Variants in KAT6A observed in about 807,000 individuals in gnomAD.
KAT6A encodes the protein histone acetyltransferase KAT6A.
KAT6A carries 9 observed loss-of-function variants against 198.4 expected under a neutral mutation model. That is an observed-to-expected ratio of 0.05 (90% CI 0.03 to 0.08). The LOEUF (loss-of-function observed/expected upper bound fraction) is 0.08, where lower values mean the gene tolerates loss of function less well. Ranked by LOEUF, KAT6A falls within the 10% of genes least tolerant of loss-of-function variation. The pLI, the probability that KAT6A is intolerant of heterozygous loss-of-function variation, is 1.00. For missense variants in KAT6A, 2,077 were observed against 2,509.9 expected (o/e 0.83, Z 3.69); for synonymous variants, 890 against 883.0 (o/e 1.01, Z -0.14).
At chr8:42,009,915 C>CAAAAAAAA (rs1216387598) in intron 2 of KAT6A, among the ~76,000 whole-genome samples, 8 of 110,286 alleles carry the variant, frequency 7.3e-5, no homozygotes, top group African/African-American at 2.6e-4. Flanking sequence ...AAAAAAAAAA[C>CAAAAAAAA]AAAAAAAAAC....
intron 12 of KAT6A, 37 bp from the exon 13 acceptor site, chr8:41,944,016 C>A: frequency 6.9e-7 from 1 of 1,451,358 alleles, no homozygotes; most frequent in South Asian, 1.2e-5. Context: ...AGAACTAGGT[C>A]AGCAACTCTG....
chr8:42,032,761 T>C (rs1281860661), intron 2 of KAT6A, among the ~76,000 whole-genome samples: 1 of 151,008 alleles, frequency 6.6e-6, no homozygotes, highest in Non-Finnish European at 1.5e-5. Context: ...AAAGAGCCAA[T>C]ACACAGTGAG....
chr8:42,007,298 T>C (rs1300398602), intron 2 of KAT6A, among the ~76,000 whole-genome samples: 1 of 152,218 alleles, frequency 6.6e-6, no homozygotes, highest in Admixed American at 6.5e-5. Context: ...AGTTCTTTAA[T>C]CCTAATTCTC....
intron 1 of KAT6A, among the ~76,000 whole-genome samples, chr8:42,051,178 G>C (rs534613895): frequency 1.3e-5 from 2 of 152,108 alleles, no homozygotes; most frequent in Non-Finnish European, 2.9e-5. Flanking sequence ...GGGCCGGCTC[G>C]AGGGCGGCGC....
intron 7 of KAT6A, among the ~76,000 whole-genome samples, chr8:41,975,365 C>T (rs535546077): frequency 3.9e-4 from 60 of 152,216 alleles, no homozygotes; most frequent in Middle Eastern, 3.4e-3. Flanking sequence ...TAATTATCTA[C>T]TAAATGATGG....
intron 2 of KAT6A, among the ~76,000 whole-genome samples, chr8:42,013,312 G>A (rs1020226802): frequency 2.7e-5 from 4 of 149,004 alleles, no homozygotes; most frequent in African/African-American, 9.9e-5. Context: ...CTGGAGTGCA[G>A]TGGCGCGATC....
intron 8 of KAT6A, among the ~76,000 whole-genome samples, chr8:41,971,146 A>G (rs184627525): frequency 1.1e-4 from 16 of 151,798 alleles, no homozygotes; most frequent in African/African-American, 3.4e-4. Context: ...TGGGTGCAGC[A>G]CACCAACATG....
chr8:41,980,043 G>A (rs112253411), intron 5 of KAT6A, among the ~76,000 whole-genome samples: 8 of 152,130 alleles, frequency 5.3e-5, no homozygotes, highest in Admixed American at 1.3e-4. Context: ...TACAAAGTAC[G>A]GTTAAGTCAT....
chr8:42,000,499 C>G (rs1454492962), intron 2 of KAT6A, among the ~76,000 whole-genome samples: 1 of 150,194 alleles, frequency 6.7e-6, no homozygotes, highest in Non-Finnish European at 1.5e-5. Context: ...TGCAGTGAGC[C>G]GAGATCACAC....
intron 13 of KAT6A, 130 bp downstream of exon 13, chr8:41,943,618 T>G (rs1328619041): frequency 3.1e-6 from 2 of 639,936 alleles, no homozygotes; most frequent in Non-Finnish European, 5.6e-6. Context: ...GAAAGGAAAA[T>G]GATATCTCAT....
chr8:41,930,115 G>A lies in KAT6A; in HGVS notation c.*2090C>T, dbSNP rs779094898. On this transcript the variant is annotated 3_prime_UTR_variant, in exon 17 of 17. Coordinates refer to ENST00000265713, the MANE Select transcript of KAT6A (RefSeq NM_006766.5). ...AGGCTTGTGGAAAAGGGAGCTGCCC[G>A]ATTGAATTTTTTATAAAGAAACAAA... is the stretch of plus-strand genomic sequence containing the variant. 2.2e-5 allele frequency: 5 copies of A among 231,928 alleles called. No individual in the cohort carries two copies. Among genetic ancestry groups the A allele is most frequent in the East Asian group, 1.8e-4 (3 of 16,414 alleles). 14.4% of individuals were successfully genotyped at this position (231,928 alleles called of 1,614,324 possible).
chr8:41,977,586 C>A (rs970138689), intron 6 of KAT6A: 2 of 350,746 alleles, frequency 5.7e-6, no homozygotes, highest in African/African-American at 2.1e-5. Flanking sequence ...TCATAATTCT[C>A]TCTTACTAGC....
chr8:41,999,189 T>C (rs1280378696), intron 2 of KAT6A, among the ~76,000 whole-genome samples: 1 of 152,150 alleles, frequency 6.6e-6, no homozygotes, highest in Non-Finnish European at 1.5e-5. Flanking sequence ...TAATCAGAAG[T>C]GACATCAAAA....
At chr8:41,969,839 C>T (rs762548094) in intron 8 of KAT6A, among the ~76,000 whole-genome samples, 30 of 152,138 alleles carry the variant, frequency 2.0e-4, no homozygotes, top group Non-Finnish European at 4.4e-4. Flanking sequence ...GTTTATCAAC[C>T]TCTTTCACAC....
intron 3 of KAT6A, among the ~76,000 whole-genome samples, chr8:41,985,919 T>C (rs942682945): frequency 1.3e-5 from 2 of 152,068 alleles, no homozygotes; most frequent in Admixed American, 1.3e-4. Context: ...TCCTGTAAGG[T>C]CTTGTAAGTT....
chr8:41,972,294 G>C (rs1428375794), intron 8 of KAT6A, among the ~76,000 whole-genome samples: 1 of 152,162 alleles, frequency 6.6e-6, no homozygotes, highest in Non-Finnish European at 1.5e-5. Context: ...CACCAACAAA[G>C]TAAATGATTC....
chr8:41,962,046 C>T (rs1259015417), intron 8 of KAT6A, among the ~76,000 whole-genome samples: 2 of 152,136 alleles, frequency 1.3e-5, no homozygotes, highest in African/African-American at 4.8e-5. Context: ...CTGATCCTTC[C>T]TTCTTACAAC....
At chr8:42,012,058 A>C (rs1826048034) in intron 2 of KAT6A, among the ~76,000 whole-genome samples, 1 of 152,222 alleles carries the variant, frequency 6.6e-6, no homozygotes, top group Non-Finnish European at 1.5e-5. Flanking sequence ...AATCACAATG[A>C]AATACCACTA....
intron 2 of KAT6A, among the ~76,000 whole-genome samples, chr8:41,996,631 C>T (rs192585863): frequency 7.4e-4 from 113 of 152,224 alleles, no homozygotes; most frequent in African/African-American, 2.5e-3. Flanking sequence ...GGCTAGTTAT[C>T]GTTGGAATTT....
Sources: allele counts gnomAD v4.1 joint callset (sites outside exome capture counted in the v4.1 genomes callset), GRCh38; gene constraint gnomAD v4.1.1; transcripts MANE v1.5; gene names NCBI Gene and HGNC (gene_info 2026-07-23, HGNC 2026-07-21).